Variants in GNAQ observed in about 807,000 individuals in gnomAD.
GNAQ encodes the protein guanine nucleotide-binding protein G(q) subunit alpha.
Under a neutral mutation model 43.9 loss-of-function variants are expected in GNAQ, and 8 were observed. That is an observed-to-expected ratio of 0.18 (90% CI 0.11 to 0.33). The LOEUF (loss-of-function observed/expected upper bound fraction) is 0.33. Among genes scored for constraint, GNAQ ranks in the 10% least tolerant of loss-of-function variants. The pLI is 1.00. For synonymous variants in GNAQ, 155 were observed against 170.7 expected (o/e 0.91, Z 0.71); for missense variants, 158 against 450.8 (o/e 0.35, Z 5.88).
chr9:77,873,669 A>C (rs986491366), intron 2 of GNAQ, among the ~76,000 whole-genome samples: 1 of 152,232 alleles, frequency 6.6e-6, no homozygotes, highest in Non-Finnish European at 1.5e-5. Context: ...AGTTGGCCAC[A>C]ACACTGCTTC....
chr9:77,884,198 G>T (rs917068218), intron 2 of GNAQ, among the ~76,000 whole-genome samples: 2 of 152,172 alleles, frequency 1.3e-5, no homozygotes, highest in Admixed American at 1.3e-4. Flanking sequence ...GGGGAAAAAA[G>T]ATTCTCTCTG....
intron 5 of GNAQ, among the ~76,000 whole-genome samples, chr9:77,784,402 C>A (rs1053802098): frequency 6.6e-6 from 1 of 152,064 alleles, no homozygotes; most frequent in East Asian, 1.9e-4. Context: ...CCCAAGTGAT[C>A]TCAGTGTTGA....
intron 2 of GNAQ, among the ~76,000 whole-genome samples, chr9:77,850,963 T>C (rs550425933): frequency 6.6e-6 from 1 of 152,224 alleles, no homozygotes; most frequent in African/African-American, 2.4e-5. Context: ...ACCATTGCTC[T>C]TTTCTCCTCT....
intron 5 of GNAQ, among the ~76,000 whole-genome samples, chr9:77,753,427 C>G (rs1280222600): frequency 6.6e-6 from 1 of 152,184 alleles, no homozygotes; most frequent in East Asian, 1.9e-4. Flanking sequence ...ATAAACAGTC[C>G]TTTTGTGAAG....
chr9:77,851,815 C>T (rs1313965990), intron 2 of GNAQ, among the ~76,000 whole-genome samples: 1 of 152,206 alleles, frequency 6.6e-6, no homozygotes, highest in Non-Finnish European at 1.5e-5. Flanking sequence ...TACAGTCCAT[C>T]GTTTCCAACC....
intron 5 of GNAQ, among the ~76,000 whole-genome samples, chr9:77,778,266 G>A (rs1172624016): frequency 1.3e-5 from 2 of 151,286 alleles, no homozygotes; most frequent in African/African-American, 4.9e-5. Context: ...TAAGGGAAAT[G>A]AATGACAGTA....
chr9:77,984,717 T>G (rs752142206), intron 1 of GNAQ, among the ~76,000 whole-genome samples: 1 of 152,124 alleles, frequency 6.6e-6, no homozygotes, highest in African/African-American at 2.4e-5. Flanking sequence ...AGGGATTCAG[T>G]GCAGGTGCTC....
chr9:78,004,250 C>T (rs1386873798), intron 1 of GNAQ, among the ~76,000 whole-genome samples: 1 of 148,286 alleles, frequency 6.7e-6, no homozygotes, highest in Non-Finnish European at 1.5e-5. Flanking sequence ...GAACTGCAGC[C>T]TGGACGACAG....
chr9:77,903,114 G>C (rs776021428), intron 2 of GNAQ, among the ~76,000 whole-genome samples: 2 of 152,140 alleles, frequency 1.3e-5, no homozygotes, highest in Non-Finnish European at 2.9e-5. Context: ...GAGCTCATGA[G>C]CAACACAGGT....
chr9:77,873,053 A>T (rs1025425414), intron 2 of GNAQ, among the ~76,000 whole-genome samples: 2 of 152,244 alleles, frequency 1.3e-5, no homozygotes, highest in African/African-American at 4.8e-5. Context: ...AAGAGAATGT[A>T]TTGGAAAGTA....
chr9:77,956,407 CT>C (rs1258654596), intron 1 of GNAQ, among the ~76,000 whole-genome samples: 7 of 152,322 alleles, frequency 4.6e-5, no homozygotes, highest in Non-Finnish European at 7.3e-5. Flanking sequence ...GCCCAGCTTC[CT>C]TTTTCATGTC....
chr9:77,961,906 A>C (rs564805154), intron 1 of GNAQ, among the ~76,000 whole-genome samples: 1 of 152,328 alleles, frequency 6.6e-6, no homozygotes, highest in African/African-American at 2.4e-5. Context: ...TGTTTTTTAA[A>C]AAGCAGTACT....
chr9:78,014,791 C>T (rs964112561), intron 1 of GNAQ, among the ~76,000 whole-genome samples: 17 of 152,126 alleles, frequency 1.1e-4, no homozygotes, highest in African/African-American at 2.9e-4. Flanking sequence ...TTCTCATCGA[C>T]GTTTTTTAGG....
At chr9:77,976,332 C>T (rs937675843) in intron 1 of GNAQ, among the ~76,000 whole-genome samples, 1 of 152,106 alleles carries the variant, frequency 6.6e-6, no homozygotes, top group Non-Finnish European at 1.5e-5. Context: ...AAATTGGCAG[C>T]CAAAAACTAT....
chr9:78,007,918 G>C (rs977039865), intron 1 of GNAQ, among the ~76,000 whole-genome samples: 1 of 152,206 alleles, frequency 6.6e-6, no homozygotes, highest in African/African-American at 2.4e-5. Context: ...CCTAGGTACA[G>C]AACAATTTTT....
At chr9:77,989,487 G>A (rs1823482591) in intron 1 of GNAQ, among the ~76,000 whole-genome samples, 1 of 152,242 alleles carries the variant, frequency 6.6e-6, no homozygotes, top group Admixed American at 6.5e-5. Context: ...GTGGCCATGT[G>A]ATATTGGGAG....
chr9:77,887,652 T>A (rs1247913539), intron 2 of GNAQ, among the ~76,000 whole-genome samples: 2 of 152,218 alleles, frequency 1.3e-5, no homozygotes, highest in East Asian at 1.9e-4. Flanking sequence ...AGAATATTAA[T>A]CTTCTAATCC....
At position 77,794,117 on chromosome 9, in the gene GNAQ, AC is replaced by A. The variant is rs1281230824; in HGVS notation, c.735+345del. Among the ~76,000 whole-genome samples, 6 of 152,270 alleles carry A rather than the reference AC, an allele frequency of 3.9e-5. No individual in the cohort carries two copies. The South Asian group carries it at 6.2e-4, about 16-fold the overall frequency. ...TTAAACAAAATGAAAACAAAACAAA[AC>A]AGGATGACTCACTCCAACACTCCCA... is the stretch of plus-strand genomic sequence containing the variant. On this transcript the variant is annotated intron_variant, in intron 5 of 6. Transcript: ENST00000286548.
intron 6 of GNAQ, among the ~76,000 whole-genome samples, chr9:77,726,656 T>C (rs527370008): frequency 2.4e-4 from 36 of 152,358 alleles, no homozygotes; most frequent in Admixed American, 7.2e-4. Context: ...ATGTTGACAA[T>C]GTAATTTTAA....
Sources: gnomAD v4.1 joint callset for allele counts (sites outside exome capture counted in the v4.1 genomes callset) on GRCh38, gnomAD v4.1.1 for gene constraint, MANE v1.5 for transcripts, NCBI Gene and HGNC (gene_info 2026-07-23, HGNC 2026-07-21) for gene names.